NECAB1: variants seen among roughly 807,000 people sequenced by gnomAD.
NECAB1 encodes the protein N-terminal EF-hand calcium binding protein 1, also known as N-terminal EF-hand calcium-binding protein 1.
In NECAB1, 29 loss-of-function variants were observed where a neutral mutation model predicts 57.5. The ratio of observed to expected loss-of-function variants is 0.50; its 90% CI spans 0.38 to 0.69. The LOEUF is 0.69. Among genes scored for constraint, NECAB1 ranks in the 30% least tolerant of loss-of-function variants. The probability of loss-of-function intolerance (pLI) is 0.00; values close to 1 mark genes in which losing one functional copy is unlikely to be tolerated. For synonymous variants in NECAB1, 142 were observed against 147.7 expected, an observed-to-expected ratio of 0.96 and a Z score of 0.28; for missense variants, 372 against 413.8, an observed-to-expected ratio of 0.90 and a Z score of 0.88.
At chr8:90,846,668 T>G (rs540621113) in intron 3 of NECAB1, among the ~76,000 whole-genome samples, 1 of 152,234 alleles carries the variant, frequency 6.6e-6, no homozygotes, top group South Asian at 2.1e-4. Context: ...GTTTAATGGA[T>G]TCACAGTTCC....
intron 5 of NECAB1, among the ~76,000 whole-genome samples, chr8:90,896,944 T>C (rs143916043): frequency 0.084 from 12,769 of 152,210 alleles, 545 homozygotes; most frequent in Middle Eastern, 0.13. Flanking sequence ...CCCTAGCCAA[T>C]AGGGGAACGA....
chr8:90,834,191 T>TTTCAGAA, intron 3 of NECAB1, among the ~76,000 whole-genome samples: 1 of 138,932 alleles, frequency 7.2e-6, no homozygotes, highest in African/African-American at 2.6e-5. Context: ...AAAAAAAAGA[T>TTTCAGAA]TTCAGAATTT....
intron 4 of NECAB1, among the ~76,000 whole-genome samples, chr8:90,875,136 C>T (rs1563513244): frequency 6.6e-6 from 1 of 152,092 alleles, no homozygotes; most frequent in South Asian, 2.1e-4. Flanking sequence ...TTTTCATAAC[C>T]TTACTCATTT....
intron 5 of NECAB1, among the ~76,000 whole-genome samples, chr8:90,907,915 A>G (rs1318508938): frequency 6.6e-6 from 1 of 152,218 alleles, no homozygotes; most frequent in Non-Finnish European, 1.5e-5. Context: ...CATATTTATA[A>G]ACTACTATTT....
chr8:90,865,114 A>G (rs1314842173), intron 3 of NECAB1, among the ~76,000 whole-genome samples: 1 of 152,154 alleles, frequency 6.6e-6, no homozygotes, highest in African/African-American at 2.4e-5. Flanking sequence ...CAAGCATGGA[A>G]TCCAACAAAT....
At chr8:90,937,611 C>T (rs1200371739) in intron 9 of NECAB1, among the ~76,000 whole-genome samples, 3 of 152,136 alleles carry the variant, frequency 2.0e-5, no homozygotes, top group Non-Finnish European at 1.5e-5. Context: ...CTGTATGGCA[C>T]TTCTTACCAA....
chr8:90,874,892 G>T (rs955210133), intron 4 of NECAB1, among the ~76,000 whole-genome samples: 17 of 151,824 alleles, frequency 1.1e-4, no homozygotes, highest in Non-Finnish European at 7.4e-5. Flanking sequence ...GCAGTTTATA[G>T]AAGTGCCAAA....
At chr8:90,906,883 A>ATATATATGTATATATATATATATGTATG (rs1554574053) in intron 5 of NECAB1, among the ~76,000 whole-genome samples, 7,026 of 80,608 alleles carry the variant, frequency 0.087, 292 homozygotes, top group Middle Eastern at 0.17. Flanking sequence ...ACACATATAT[A>ATATATATGTATATATATATATATGTATG]TATATATATA....
intron 2 of NECAB1, among the ~76,000 whole-genome samples, chr8:90,808,437 TC>T (rs5893133): frequency 0.37 from 56,193 of 151,820 alleles, 11,574 homozygotes; most frequent in East Asian, 0.81. Context: ...TGGGCTCAAA[TC>T]CCCATTCCAC....
chr8:90,816,077 C>A (rs781084457), intron 2 of NECAB1, among the ~76,000 whole-genome samples: 15 of 151,802 alleles, frequency 9.9e-5, no homozygotes, highest in Non-Finnish European at 2.1e-4. Context: ...GGTTTTGTAT[C>A]TCATTACTGT....
intron 2 of NECAB1, among the ~76,000 whole-genome samples, chr8:90,816,454 A>C (rs1277527061): frequency 6.6e-6 from 1 of 151,800 alleles, no homozygotes; most frequent in Non-Finnish European, 1.5e-5. Flanking sequence ...CTAATTTTTA[A>C]TTTTAAATGT....
At chr8:90,837,706 G>A (rs1812391216) in intron 3 of NECAB1, among the ~76,000 whole-genome samples, 1 of 152,182 alleles carries the variant, frequency 6.6e-6, no homozygotes, top group South Asian at 2.1e-4. Context: ...ATAGAATTGT[G>A]TCTAGTGTCT....
intron 3 of NECAB1, among the ~76,000 whole-genome samples, chr8:90,868,676 G>A (rs939529201): frequency 1.3e-5 from 2 of 152,196 alleles, no homozygotes; most frequent in African/African-American, 4.8e-5. Flanking sequence ...AACAGCATAT[G>A]CTCATATATG....
At chr8:90,838,670 G>A (rs1025156666) in intron 3 of NECAB1, among the ~76,000 whole-genome samples, 1 of 152,218 alleles carries the variant, frequency 6.6e-6, no homozygotes, top group Admixed American at 6.5e-5. Context: ...TAGACGTGGA[G>A]AGAACATACA....
chr8:90,934,461 T>C, intron 9 of NECAB1, 104 bp downstream of exon 9: 1 of 734,710 alleles, frequency 1.4e-6, no homozygotes, highest in Non-Finnish European at 2.1e-6. Context: ...AAAAACCAAG[T>C]AGTCGTATTT....
At chr8:90,891,547 T>A (rs1022383644) in intron 5 of NECAB1, among the ~76,000 whole-genome samples, 1 of 152,070 alleles carries the variant, frequency 6.6e-6, no homozygotes, top group Admixed American at 6.6e-5. Flanking sequence ...TATAAAAAAA[T>A]GTAATAGAAC....
At chr8:90,824,924 T>G in intron 3 of NECAB1, 99 bp downstream of exon 3, 1 of 526,616 alleles carries the variant, frequency 1.9e-6, no homozygotes, top group Non-Finnish European at 3.2e-6. Flanking sequence ...ATATAGAGGG[T>G]ATATTTTGCC....
chr8:90,902,646 A>G (rs1809536624), intron 5 of NECAB1, among the ~76,000 whole-genome samples: 2 of 152,174 alleles, frequency 1.3e-5, no homozygotes, highest in Admixed American at 6.5e-5. Context: ...TAAATTGACA[A>G]TAAAACATAC....
chr8:90,939,927 TCCTTA>T (rs1176320186), intron 9 of NECAB1, among the ~76,000 whole-genome samples: 7 of 152,252 alleles, frequency 4.6e-5, no homozygotes, highest in Non-Finnish European at 1.0e-4. Context: ...TTCTAGATCA[TCCTTA>T]CCTTGTGTTT....
Sources: gnomAD v4.1 joint callset for allele counts (sites outside exome capture counted in the v4.1 genomes callset) on GRCh38, gnomAD v4.1.1 for gene constraint, MANE v1.5 for transcripts, NCBI Gene and HGNC (gene_info 2026-07-23, HGNC 2026-07-21) for gene names.